Variants in MORC4 observed in about 807,000 individuals in gnomAD.
MORC4 encodes MORC family CW-type zinc finger 4, also known as MORC family CW-type zinc finger protein 4.
Under a neutral mutation model 65.5 loss-of-function variants are expected in MORC4, and 22 were observed. The ratio of observed to expected loss-of-function variants is 0.34; its 90% CI spans 0.24 to 0.48. The LOEUF (loss-of-function observed/expected upper bound fraction) is 0.48. Among genes scored for constraint, MORC4 ranks in the 20% least tolerant of loss-of-function variants. The probability of loss-of-function intolerance (pLI) is 0.99; values close to 1 mark genes in which losing one functional copy is unlikely to be tolerated. For missense variants in MORC4, 624 were observed against 703.0 expected (o/e 0.89, Z 1.27); for synonymous variants, 267 against 255.8 (o/e 1.04, Z -0.42).
intron 14 of MORC4, among the ~76,000 whole-genome samples, chrX:106,953,400 C>A (rs1028517741): frequency 9.0e-6 from 1 of 111,419 alleles, no homozygotes; most frequent in Non-Finnish European, 1.9e-5. Context: ...TCCAGGAGAC[C>A]AGGGTAAAAA....
intron 2 of MORC4, among the ~76,000 whole-genome samples, chrX:106,999,470 C>T (rs1465987560): frequency 8.9e-6 from 1 of 112,092 alleles, no homozygotes; most frequent in African/African-American, 3.2e-5. Flanking sequence ...TCAGACACAC[C>T]TCGTTTCCTC....
At chrX:106,963,334 T>C (rs928378370) in intron 9 of MORC4, among the ~76,000 whole-genome samples, 1 of 111,941 alleles carries the variant, frequency 8.9e-6, no homozygotes, top group Non-Finnish European at 1.9e-5. Flanking sequence ...ATTGGAAAGT[T>C]TGCAACTTCC....
chrX:106,950,734 G>A (rs779733009), intron 14 of MORC4, among the ~76,000 whole-genome samples: 7 of 111,964 alleles, frequency 6.3e-5, no homozygotes, highest in African/African-American at 2.3e-4. Context: ...CTGGAGAGGA[G>A]ATGAGAAAAG....
In MORC4 at chrX:106,942,868, T is replaced by C; in HGVS notation, c.2023A>G (p.Asn675Asp). ...QMPRLVAEES[N>D]RGSTTINKEE... is the part of the protein sequence containing the mutation. ...TTGTTTATGGTTGTGCTACCTCTGT[T>C]AGATTCTTCTGCCACCAATCTTGGC... Residue 675 changes from asparagine to aspartate, a missense_variant, in exon 15 of 17, where the codon AAC becomes GAC. Asn to Asp is a conservative substitution (Grantham distance 23). Transcript: ENST00000355610. The C allele has an allele frequency of 8.3e-7, 1 of 1,211,846 alleles. No individual in the cohort carries two copies. The highest frequency in any genetic ancestry group is 1.1e-6 in the Non-Finnish European group (1 of 895,405).
In MORC4 at chrX:106,972,869, G is replaced by T. The variant is rs773727651; in HGVS notation, c.1157+3715C>A. ...AGGACAATCGCTTGAACCCCAGATGGGGAGGTTGCGGTTGCCATTGCACTC... is the reference window on the plus strand; with the variant it reads ...AGGACAATCGCTTGAACCCCAGATGTGGAGGTTGCGGTTGCCATTGCACTC... On this transcript the variant is annotated intron_variant, in intron 9 of 16. Coordinates refer to ENST00000355610, the MANE Select transcript of MORC4 (RefSeq NM_024657.5). Among the ~76,000 whole-genome samples, 10 of 112,744 alleles carry T rather than the reference G, an allele frequency of 8.9e-5. No individual in the cohort carries two copies. The South Asian group carries it at 3.7e-3, about 41-fold the overall frequency.
intron 14 of MORC4, among the ~76,000 whole-genome samples, chrX:106,954,188 C>T (rs1250841530): frequency 8.9e-6 from 1 of 112,515 alleles, no homozygotes; most frequent in African/African-American, 3.2e-5. Flanking sequence ...CCCTATATGG[C>T]TTGGCCCTGC....
chrX:106,971,852 C>G (rs992021056), intron 9 of MORC4, among the ~76,000 whole-genome samples: 14 of 111,777 alleles, frequency 1.3e-4, no homozygotes, highest in Admixed American at 1.1e-3. Flanking sequence ...AAATAGGAAC[C>G]CTTTGACACT....
rs143431283 is a variant in MORC4 at position 106,942,967 on chromosome X, C to A, written c.1924G>T (p.Val642Phe). 5.8e-6 allele frequency: 7 copies of A among 1,209,392 alleles called. No individual in the cohort carries two copies. Among genetic ancestry groups the A allele is most frequent in the Non-Finnish European group, 6.7e-6 (6 of 894,744 alleles). ...TTGGCCCCTGGATACAGAATTGAAA[C>A]CTCCCTATTCTGACCTGTATTCTTG... ...ASKNTGQNRE[V>F]SILYPGAKDQ... is the part of the protein sequence containing the mutation. The change falls in exon 15 of 17, where the codon GTT (valine) becomes TTT (phenylalanine). Residue 642 changes from valine (V) to phenylalanine (F), a missense_variant. Physicochemically the swap from Val to Phe is conservative, Grantham distance 50. Coordinates refer to ENST00000355610, the MANE Select transcript of MORC4 (RefSeq NM_024657.5).
At chrX:106,953,098 C>A (rs905269811) in intron 14 of MORC4, among the ~76,000 whole-genome samples, 4 of 111,971 alleles carry the variant, frequency 3.6e-5, no homozygotes, top group Non-Finnish European at 5.6e-5. Flanking sequence ...ATGTACTTTA[C>A]CTGTCCTCTA....
chrX:106,985,350 T>C (rs1934849778), intron 4 of MORC4, 107 bp from the exon 5 acceptor site: 4 of 490,721 alleles, frequency 8.2e-6, no homozygotes, highest in African/African-American at 2.4e-5. Context: ...ACATACAGCA[T>C]GCATATTACT....
intron 10 of MORC4, among the ~76,000 whole-genome samples, chrX:106,960,946 C>T (rs759674860): frequency 3.6e-5 from 4 of 112,006 alleles, no homozygotes; most frequent in African/African-American, 9.7e-5. Context: ...ACTTTTACCA[C>T]TCTAATGTTT....
chrX:106,946,478 T>C (rs1933831981), intron 14 of MORC4, among the ~76,000 whole-genome samples: 1 of 112,752 alleles, frequency 8.9e-6, no homozygotes, highest in Admixed American at 9.4e-5. Flanking sequence ...TTCCTTTTCA[T>C]AGCTAAATAA....
chrX:106,964,188 A>C (rs1934319932), intron 9 of MORC4, among the ~76,000 whole-genome samples: 1 of 112,222 alleles, frequency 8.9e-6, no homozygotes, highest in Admixed American at 9.5e-5. Context: ...GAGATAACAA[A>C]CCTAAAAAGA....
At chrX:106,942,328 G>A (rs748685541) in intron 15 of MORC4, 107 bp from the exon 16 acceptor site, 93 of 994,887 alleles carry the variant, frequency 9.3e-5, no homozygotes, top group Admixed American at 2.7e-4. Flanking sequence ...CTCTACTTAT[G>A]GGCCTTTTCA....
intron 14 of MORC4, among the ~76,000 whole-genome samples, chrX:106,954,371 T>C (rs186232167): frequency 1.8e-5 from 2 of 112,414 alleles, no homozygotes. Context: ...AAAATAACAC[T>C]GATGAGGTGC....
intron 9 of MORC4, among the ~76,000 whole-genome samples, chrX:106,963,750 T>C (rs1433269708): frequency 9.0e-6 from 1 of 110,584 alleles, no homozygotes. Flanking sequence ...CAATTGCACA[T>C]ATGGGGAAAA....
chrX:106,950,972 C>T (rs1388199243), intron 14 of MORC4, among the ~76,000 whole-genome samples: 1 of 111,807 alleles, frequency 8.9e-6, no homozygotes, highest in Non-Finnish European at 1.9e-5. Context: ...GCTGTGTGCC[C>T]CTAGGACACT....
chrX:106,978,650 A>C (rs753465563), intron 7 of MORC4, among the ~76,000 whole-genome samples: 1 of 111,043 alleles, frequency 9.0e-6, no homozygotes, highest in South Asian at 3.8e-4. Flanking sequence ...ACATGCATAG[A>C]AAGACTGTAA....
In MORC4 at chrX:106,999,868, C is replaced by A. The variant is rs965185082; in HGVS notation, c.102G>T (p.Thr34=). 6.0e-6 allele frequency: 5 copies of A among 835,763 alleles called. No individual in the cohort carries two copies. The South Asian group carries it at 2.5e-4, about 42-fold the overall frequency. 68.9% of individuals were successfully genotyped at this position (835,763 alleles called of 1,213,427 possible). ...GPQAFGIRLS[T]MSPRYLQSNS... is the part of the protein sequence containing the mutation. ...CCGCCCCCTCGGGCCCCGGACCTACCGTGCTCAGGCGGATCCCGAAGGCCT... is the reference window on the plus strand; with the variant it reads ...CCGCCCCCTCGGGCCCCGGACCTACAGTGCTCAGGCGGATCCCGAAGGCCT... Residue 34 remains threonine (T), a splice_region_variant and synonymous_variant, in exon 1 of 17, where the codon ACG becomes ACT. Transcript: ENST00000355610.
Sources: allele counts gnomAD v4.1 joint callset (sites outside exome capture counted in the v4.1 genomes callset), GRCh38; gene constraint gnomAD v4.1.1; transcripts MANE v1.5; gene names NCBI Gene and HGNC (gene_info 2026-07-23, HGNC 2026-07-21).